ATP8A1: variants seen among roughly 807,000 people sequenced by gnomAD.
The protein encoded by ATP8A1 is phospholipid-transporting ATPase IA.
In ATP8A1, 90 loss-of-function variants were observed where a neutral mutation model predicts 177.7. That is an observed-to-expected ratio of 0.51 (90% CI 0.43 to 0.60). The LOEUF (loss-of-function observed/expected upper bound fraction) is 0.60, where lower values mean the gene tolerates loss of function less well. Ranked by LOEUF, ATP8A1 falls within the 20% of genes least tolerant of loss-of-function variation. The pLI is 0.00. For synonymous variants in ATP8A1, 493 were observed against 485.9 expected (o/e 1.01, Z -0.19); for missense variants, 1,072 against 1,392.8 (o/e 0.77, Z 3.67).
At chr4:42,656,781 G>T (rs766762534) in intron 1 of ATP8A1, 44 bp downstream of exon 1, 2 of 1,511,982 alleles carry the variant, frequency 1.3e-6, no homozygotes, top group Non-Finnish European at 1.8e-6. Context: ...ACACACACTC[G>T]CTTCCCGACC....
intron 20 of ATP8A1, among the ~76,000 whole-genome samples, chr4:42,530,950 A>C (rs1000217747): frequency 9.2e-5 from 14 of 152,296 alleles, no homozygotes; most frequent in African/African-American, 3.1e-4. Flanking sequence ...TCTTAGTTCC[A>C]GAGGGAGGAA....
intron 27 of ATP8A1, among the ~76,000 whole-genome samples, chr4:42,456,681 G>C (rs2153180007): frequency 6.6e-6 from 1 of 152,264 alleles, no homozygotes; most frequent in East Asian, 1.9e-4. Flanking sequence ...ATCTGGGAGA[G>C]TACAAAGGCT....
At chr4:42,467,680 G>T (rs562367346) in intron 25 of ATP8A1, among the ~76,000 whole-genome samples, 2 of 152,160 alleles carry the variant, frequency 1.3e-5, no homozygotes, top group South Asian at 4.2e-4. Context: ...GTGACAGAGC[G>T]GGACTCCATC....
At position 42,452,038 on chromosome 4, in the gene ATP8A1, T is replaced by G. The variant is rs760015294; in HGVS notation, c.2839A>C (p.Asn947His). The stretch of plus-strand genomic sequence containing the variant: ...AGAATAACTGAGTGGAAGAGGCCAT[T>G]TAAACAATGAACCCAGAAAACCTGA... ...NTKVFWVHCL[N>H]GLFHSVILFW... The change falls in exon 30 of 37, where the codon AAT (asparagine) becomes CAT (histidine). Residue 947 changes from asparagine to histidine, a missense_variant. Asn to His is a moderately conservative substitution (Grantham distance 68). Around this residue, in one of 5 missense-constraint regions of ATP8A1, gnomAD observed 316 missense variants for 459.1 expected, o/e 0.69. Transcript: ENST00000381668. The G allele has an allele frequency of 2.5e-5, 41 of 1,613,040 alleles. No homozygotes were observed. The South Asian group carries it at 4.2e-4, about 16-fold the overall frequency.
At chr4:42,542,435 T>TA (rs920536772) in intron 20 of ATP8A1, among the ~76,000 whole-genome samples, 4 of 151,932 alleles carry the variant, frequency 2.6e-5, no homozygotes, top group East Asian at 1.9e-4. Context: ...CTCTCTTTTT[T>TA]AAAAAAAATT....
At chr4:42,619,612 A>G (rs1737258101) in intron 4 of ATP8A1, among the ~76,000 whole-genome samples, 1 of 136,820 alleles carries the variant, frequency 7.3e-6, no homozygotes, top group Non-Finnish European at 1.7e-5. Context: ...ATCTATCTAC[A>G]CATATATATA....
rs764956503 is a variant in ATP8A1 at position 42,485,501 on chromosome 4, G to A, written c.2319C>T (p.Cys773=). ...CAATGATAAGGAGAACTTACCGACA[G>A]CAAATGACAGCTTTGCATGACAAAG... ...DLALSCKAVI[C]CRVSPLQKSE... is the part of the protein sequence containing the mutation. The change falls in exon 25 of 37, where the codon TGC becomes TGT. Residue 773 remains cysteine (C), a synonymous_variant. Transcript: ENST00000381668. 3 of 1,609,150 alleles carry A rather than the reference G, an allele frequency of 1.9e-6. No individual in the cohort carries two copies. Among genetic ancestry groups the A allele is most frequent in the Non-Finnish European group, 2.5e-6 (3 of 1,178,024 alleles).
intron 33 of ATP8A1, among the ~76,000 whole-genome samples, chr4:42,432,607 G>T (rs1450428906): frequency 6.6e-6 from 1 of 152,204 alleles, no homozygotes; most frequent in African/African-American, 2.4e-5. Context: ...GCATGGGGTT[G>T]AACTGGGTGG....
At chr4:42,513,881 TGAG>T (rs1335352380) in intron 22 of ATP8A1, among the ~76,000 whole-genome samples, 1 of 152,174 alleles carries the variant, frequency 6.6e-6, no homozygotes, top group African/African-American at 2.4e-5. Context: ...ACCATTCTCT[TGAG>T]GTTTAAAATA....
At chr4:42,646,961 A>G (rs1011144990) in intron 1 of ATP8A1, among the ~76,000 whole-genome samples, 1 of 152,212 alleles carries the variant, frequency 6.6e-6, no homozygotes, top group Non-Finnish European at 1.5e-5. Flanking sequence ...TCTACTTCAC[A>G]TCTCATGCTA....
At chr4:42,512,176 T>C (rs1381969704) in intron 22 of ATP8A1, among the ~76,000 whole-genome samples, 2 of 152,220 alleles carry the variant, frequency 1.3e-5, no homozygotes, top group Non-Finnish European at 2.9e-5. Context: ...AGCTAAGCTA[T>C]GACCGTAAGG....
In ATP8A1 at chr4:42,583,619, C is replaced by T. The variant is rs574552906; in HGVS notation, c.723-1887G>A. Reference sequence around the variant, plus strand: ...AAGAATTAGTTAGTTTTCATCATAGCTGGTGTTCCAAGGCTTCTGGCATTA... The same window carrying T: ...AAGAATTAGTTAGTTTTCATCATAGTTGGTGTTCCAAGGCTTCTGGCATTA... On this transcript the variant is annotated intron_variant, in intron 9 of 36. Coordinates refer to ENST00000381668, the MANE Select transcript of ATP8A1 (RefSeq NM_006095.2). Among the ~76,000 whole-genome samples, 5 of 152,338 alleles carry T rather than the reference C, an allele frequency of 3.3e-5. No homozygotes were observed. In the East Asian group the frequency reaches 9.7e-4, roughly 29 times the overall value.
intron 10 of ATP8A1, among the ~76,000 whole-genome samples, chr4:42,580,609 T>C (rs1046066924): frequency 6.6e-6 from 1 of 152,238 alleles, no homozygotes; most frequent in African/African-American, 2.4e-5. Flanking sequence ...AGAATGAATA[T>C]GAAATGAAGA....
At chr4:42,527,567 G>A (rs1359554556) in intron 20 of ATP8A1, among the ~76,000 whole-genome samples, 1 of 152,110 alleles carries the variant, frequency 6.6e-6, no homozygotes, top group East Asian at 1.9e-4. Context: ...TGCCAGGCAA[G>A]ATGATGTTGA....
Position 42,508,219 on chromosome 4 carries a change from G to A in ATP8A1, c.1948-1065C>T, listed in dbSNP as rs529144709. ...GCCATCTTGGCTCACCATAACCTCC[G>A]CCTCCCAGGTCCAAGTGATTCTCCT... On this transcript the variant is annotated intron_variant, in intron 22 of 36. Transcript: ENST00000381668. 5.9e-5 allele frequency among the ~76,000 whole-genome samples: 9 copies of A among 152,178 alleles called. No individual in the cohort carries two copies. The East Asian group carries it at 9.6e-4, about 16-fold the overall frequency.
chr4:42,446,080 CA>C (rs11311245), intron 31 of ATP8A1, among the ~76,000 whole-genome samples: 4,659 of 63,832 alleles, frequency 0.073, 319 homozygotes, highest in African/African-American at 0.2. Flanking sequence ...AACGCCCTCT[CA>C]AAAAAAAAAA....
At chr4:42,416,272 A>G (rs1009218831) in intron 35 of ATP8A1, among the ~76,000 whole-genome samples, 1 of 152,160 alleles carries the variant, frequency 6.6e-6, no homozygotes, top group Non-Finnish European at 1.5e-5. Flanking sequence ...GGGGTGCTGG[A>G]AAGTCTTTGG....
chr4:42,536,468 C>T (rs992638805), intron 20 of ATP8A1, among the ~76,000 whole-genome samples: 2 of 151,896 alleles, frequency 1.3e-5, no homozygotes, highest in African/African-American at 4.8e-5. Context: ...AAAAAGTTAC[C>T]AACAAAAAAG....
At chr4:42,618,714 A>G (rs1335786082) in intron 4 of ATP8A1, among the ~76,000 whole-genome samples, 2 of 152,200 alleles carry the variant, frequency 1.3e-5, no homozygotes, top group African/African-American at 4.8e-5. Context: ...CTTACATTCC[A>G]GTGGTTGTGG....
Sources: gnomAD v4.1 joint callset for allele counts (sites outside exome capture counted in the v4.1 genomes callset) on GRCh38, gnomAD v4.1.1 for gene constraint, gnomAD v4.1.1 regional missense constraint, MANE v1.5 for transcripts, NCBI Gene and HGNC (gene_info 2026-07-23, HGNC 2026-07-21) for gene names.